The following XIRP2 variants were observed in gnomAD, a reference collection of about 807,000 sequenced individuals.
XIRP2 encodes xin actin binding repeat containing 2.
XIRP2 carries 236 observed loss-of-function variants against 277.0 expected under a neutral mutation model. That is an observed-to-expected ratio of 0.85 (90% CI 0.77 to 0.95). The LOEUF (loss-of-function observed/expected upper bound fraction) is 0.95, where lower values mean the gene tolerates loss of function less well. XIRP2 is among the 40% of genes least tolerant of loss of function. XIRP2 has a pLI of 0.00. For missense variants in XIRP2, 4,640 were observed against 4,157.5 expected, an observed-to-expected ratio of 1.12 and a Z score of -3.19; for synonymous variants, 1,490 against 1,416.5, an observed-to-expected ratio of 1.05 and a Z score of -1.17.
chr2:167,111,966 G>A (rs1006598182), intron 2 of XIRP2, among the ~76,000 whole-genome samples: 1 of 152,112 alleles, frequency 6.6e-6, no homozygotes, highest in African/African-American at 2.4e-5. Flanking sequence ...CATAGTAGTA[G>A]TCTTTGATGG....
At chr2:167,118,218 G>A (rs1690948353) in intron 2 of XIRP2, among the ~76,000 whole-genome samples, 3 of 152,092 alleles carry the variant, frequency 2.0e-5, no homozygotes, top group South Asian at 2.1e-4. Flanking sequence ...AGTGGCTCAC[G>A]CCTGTAATCC....
chr2:166,915,908 T>A (rs1684862384), intron 2 of XIRP2, among the ~76,000 whole-genome samples: 3 of 152,122 alleles, frequency 2.0e-5, no homozygotes, highest in African/African-American at 7.2e-5. Context: ...CTGAACTGTA[T>A]CAAAAATAGG....
intron 2 of XIRP2, among the ~76,000 whole-genome samples, chr2:167,021,354 TACA>T (rs963168453): frequency 6.6e-6 from 1 of 152,140 alleles, no homozygotes; most frequent in African/African-American, 2.4e-5. Context: ...TGTATGGTGA[TACA>T]ACTATTTATT....
In XIRP2 at chr2:167,259,293, A is replaced by T. The variant is rs1695774138; in HGVS notation, c.*1476A>T. Reference sequence around the variant, plus strand: ...GCTAAGCCTTTGTTTCCCAGAGTGGAGGTGCAGTCAGAACAACTCACGGTG... The same window carrying T: ...GCTAAGCCTTTGTTTCCCAGAGTGGTGGTGCAGTCAGAACAACTCACGGTG... On this transcript the variant is annotated 3_prime_UTR_variant, in exon 11 of 11. Transcript: ENST00000409195. 6.2e-7 allele frequency: 1 copy of T among 1,613,134 alleles called. No individual in the cohort carries two copies. Among genetic ancestry groups the T allele is most frequent in the Non-Finnish European group, 8.5e-7 (1 of 1,179,580 alleles).
intron 2 of XIRP2, among the ~76,000 whole-genome samples, chr2:167,031,947 A>G (rs1688373636): frequency 6.6e-6 from 1 of 152,182 alleles, no homozygotes; most frequent in South Asian, 2.1e-4. Context: ...AAGTTGGGAA[A>G]AACTACTTTA....
chr2:167,183,380 T>C (rs1241256381), intron 3 of XIRP2, among the ~76,000 whole-genome samples: 2 of 152,208 alleles, frequency 1.3e-5, no homozygotes, highest in African/African-American at 4.8e-5. Context: ...AGTGTAGTTA[T>C]ATGATTCAAT....
Position 167,044,872 on chromosome 2 carries a change from G to A in XIRP2, c.409-91037G>A, listed in dbSNP as rs527503605. 7.9e-5 allele frequency among the ~76,000 whole-genome samples: 12 copies of A among 151,518 alleles called. No individual in the cohort carries two copies. In the South Asian group the frequency reaches 2.1e-3, roughly 26 times the overall value. Reference sequence around the variant, plus strand: ...ATGCTATTCCTATCAAACCACCAATGTCATTTTTCACAGAATTAGAAAAGC... The same window carrying A: ...ATGCTATTCCTATCAAACCACCAATATCATTTTTCACAGAATTAGAAAAGC... On this transcript the variant is annotated intron_variant, in intron 2 of 10. Transcript: ENST00000409195.
In XIRP2 at chr2:167,144,444, T is replaced by C. The variant is rs893425100; in HGVS notation, c.562+8382T>C. Among the ~76,000 whole-genome samples, 57 of 152,248 alleles carry C rather than the reference T, an allele frequency of 3.7e-4. 1 individual carries two copies. The highest frequency in any genetic ancestry group is 1.3e-3 in the African/African-American group (54 of 41,560). ...TGAAGAATACCACATAACTTTGTAC[T>C]GGCTAAGACAAACAGCCAGTCGTTC... On this transcript the variant is annotated intron_variant, in intron 3 of 10. Coordinates refer to ENST00000409195, the MANE Select transcript of XIRP2 (RefSeq NM_152381.6).
chr2:166,958,206 G>C (rs1348057503), intron 2 of XIRP2, among the ~76,000 whole-genome samples: 1 of 151,880 alleles, frequency 6.6e-6, no homozygotes, highest in African/African-American at 2.4e-5. Flanking sequence ...TGGGTGAGGG[G>C]CTAGGCGCAT....
chr2:167,095,638 C>G (rs531077289), intron 2 of XIRP2, among the ~76,000 whole-genome samples: 1 of 152,016 alleles, frequency 6.6e-6, no homozygotes, highest in African/African-American at 2.4e-5. Flanking sequence ...ATATGTTGAA[C>G]GAGCCTTGCA....
At chr2:166,909,691 T>G (rs1184688461) in intron 2 of XIRP2, among the ~76,000 whole-genome samples, 5 of 152,210 alleles carry the variant, frequency 3.3e-5, no homozygotes, top group Non-Finnish European at 7.3e-5. Flanking sequence ...CCCTGTCTTG[T>G]GCCAGTTTTC....
At position 167,087,013 on chromosome 2, in the gene XIRP2, G is replaced by A. The variant is rs898600695; in HGVS notation, c.409-48896G>A. Among the ~76,000 whole-genome samples the A allele has an allele frequency of 3.3e-5, 5 of 151,542 alleles. 1 individual carries two copies. In the South Asian group the frequency reaches 1.0e-3, roughly 32 times the overall value. On this transcript the variant is annotated intron_variant, in intron 2 of 10. Transcript: ENST00000409195. The stretch of plus-strand genomic sequence containing the variant: ...AACTGCGTTCCTTTGGAGGAGGAGA[G>A]GCGCTCTGCGTTTTAGAGTTTCCAG...
intron 2 of XIRP2, among the ~76,000 whole-genome samples, chr2:167,087,954 C>G (rs1352179098): frequency 6.6e-6 from 1 of 152,160 alleles, no homozygotes; most frequent in African/African-American, 2.4e-5. Context: ...ATTCGGCCAT[C>G]TTGGCTCCTC....
At chr2:167,113,668 T>A (rs1158758399) in intron 2 of XIRP2, among the ~76,000 whole-genome samples, 1 of 152,206 alleles carries the variant, frequency 6.6e-6, no homozygotes, top group Non-Finnish European at 1.5e-5. Context: ...ACATGTGTGA[T>A]TTGATCCTGT....
chr2:166,900,768 A>T (rs890430798), intron 1 of XIRP2, among the ~76,000 whole-genome samples: 1 of 152,058 alleles, frequency 6.6e-6, no homozygotes, highest in Non-Finnish European at 1.5e-5. Context: ...CATTGCCAGA[A>T]GGAAGCCCTC....
chr2:167,210,702 A>G, intron 3 of XIRP2, 33 bp from the exon 4 acceptor site: 1 of 1,610,080 alleles, frequency 6.2e-7, no homozygotes, highest in Non-Finnish European at 8.5e-7. Context: ...AAAGCTTAAC[A>G]CACATGTGTA....
rs772409988 is a variant in XIRP2, at chr2:167,250,720, C to A, written c.9328C>A (p.Pro3110Thr). Residue 3110 changes from proline (P) to threonine (T), a missense_variant, in exon 9 of 11, where the codon CCT (proline) becomes ACT (threonine). By Grantham distance (38) the Pro-to-Thr change is conservative. Coordinates refer to ENST00000409195, the MANE Select transcript of XIRP2 (RefSeq NM_152381.6). ...AATTAAACTTGATGATAGCAACATT[C>A]CTCCTCCCTCTTTAAAAACACGCCC... ...QEIKLDDSNI[P>T]PPSLKTRPPS... 3 of 1,613,486 alleles carry A rather than the reference C, an allele frequency of 1.9e-6. No individual in the cohort carries two copies. The highest frequency in any genetic ancestry group is 2.2e-5 in the South Asian group (2 of 91,070).
chr2:166,905,119 G>A (rs531513755), intron 2 of XIRP2, among the ~76,000 whole-genome samples: 4 of 152,012 alleles, frequency 2.6e-5, no homozygotes, highest in African/African-American at 9.6e-5. Context: ...CTATTTCACA[G>A]GTGCAATCAT....
intron 1 of XIRP2, among the ~76,000 whole-genome samples, chr2:166,897,478 C>T (rs1684273218): frequency 6.6e-6 from 1 of 152,058 alleles, no homozygotes; most frequent in South Asian, 2.1e-4. Flanking sequence ...AGAGAGCAGA[C>T]ATCTCATTAT....
Sources: gnomAD v4.1 joint callset for allele counts (sites outside exome capture counted in the v4.1 genomes callset) on GRCh38, gnomAD v4.1.1 for gene constraint, MANE v1.5 for transcripts, NCBI Gene and HGNC (gene_info 2026-07-23, HGNC 2026-07-21) for gene names.